The following MGAT4C variants were observed in gnomAD, a reference collection of about 807,000 sequenced individuals.
The protein encoded by MGAT4C is alpha-1,3-mannosyl-glycoprotein 4-beta-N-acetylglucosaminyltransferase C.
Under a neutral mutation model 40.1 loss-of-function variants are expected in MGAT4C, and 19 were observed. That is an observed-to-expected ratio of 0.47 (90% CI 0.33 to 0.70). The LOEUF is 0.70. Ranked by LOEUF, MGAT4C falls within the 30% of genes least tolerant of loss-of-function variation. MGAT4C has a pLI of 0.02. For synonymous variants in MGAT4C, 181 were observed against 187.1 expected (o/e 0.97, Z 0.27); for missense variants, 491 against 563.2 (o/e 0.87, Z 1.30).
chr12:86,585,324 TTA>T (rs1048161084), intron 2 of MGAT4C, among the ~76,000 whole-genome samples: 201 of 151,464 alleles, frequency 1.3e-3, no homozygotes, highest in African/African-American at 4.6e-3. Context: ...CCTTTCAGAG[TTA>T]ATGTAACAGT....
chr12:86,555,642 G>A (rs902727594), intron 2 of MGAT4C, among the ~76,000 whole-genome samples: 6 of 152,090 alleles, frequency 3.9e-5, no homozygotes, highest in African/African-American at 1.4e-4. Flanking sequence ...ATTGTATCTT[G>A]AGTTAAAAGA....
At chr12:86,781,977 A>G (rs776172884) in intron 1 of MGAT4C, among the ~76,000 whole-genome samples, 1 of 151,858 alleles carries the variant, frequency 6.6e-6, no homozygotes, top group Non-Finnish European at 1.5e-5. Flanking sequence ...ATTAAAGTTT[A>G]TTCATAGACT....
At position 86,764,984 on chromosome 12, in the gene MGAT4C, T is replaced by C. The variant is rs555127819; in HGVS notation, c.-261-37743A>G. The stretch of plus-strand genomic sequence containing the variant: ...CTCTCCTACTCCAAAGGAACGCAGT[T>C]CCTCACCAGCAATGGAACAAAGCTG... On this transcript the variant is annotated intron_variant, in intron 1 of 7. Transcript: ENST00000548651. Among the ~76,000 whole-genome samples the C allele has an allele frequency of 6.4e-4, 98 of 152,246 alleles. 1 individual carries two copies. The highest frequency in any genetic ancestry group is 1.3e-4 in the Non-Finnish European group (9 of 68,016).
Position 86,838,801 on chromosome 12 carries a change from A to T in MGAT4C, c.-397T>A, listed in dbSNP as rs888528803. ...AGTTCTCCAGAAGAAAATCAGCACA[A>T]TTTAAATATTTCTTGGAATGTGACA... On this transcript the variant is annotated 5_prime_UTR_variant, in exon 1 of 8. Transcript: ENST00000548651. The T allele has an allele frequency of 9.2e-5, 14 of 152,338 alleles. No homozygotes were observed. The East Asian group carries it at 2.5e-3, about 27-fold the overall frequency. The allele number at this position is 152,338 out of a possible 1,614,324, so 9.4% of individuals were successfully genotyped here.
intron 2 of MGAT4C, among the ~76,000 whole-genome samples, chr12:86,678,879 G>T (rs556344954): frequency 6.6e-6 from 1 of 152,066 alleles, no homozygotes; most frequent in African/African-American, 2.4e-5. Flanking sequence ...TAATAGTGCT[G>T]CAGTAAACAT....
At chr12:86,447,331 G>A (rs770617525) in intron 2 of MGAT4C, among the ~76,000 whole-genome samples, 86 of 152,206 alleles carry the variant, frequency 5.7e-4, no homozygotes, top group Middle Eastern at 3.4e-3. Context: ...CTCCATGCTG[G>A]TTAGGCTGGT....
At chr12:86,777,580 A>G (rs1446207985) in intron 1 of MGAT4C, among the ~76,000 whole-genome samples, 1 of 152,196 alleles carries the variant, frequency 6.6e-6, no homozygotes, top group Non-Finnish European at 1.5e-5. Context: ...AAATGTACCA[A>G]GTAGTCTTTG....
At chr12:86,705,080 C>T (rs984472175) in intron 2 of MGAT4C, among the ~76,000 whole-genome samples, 1 of 152,064 alleles carries the variant, frequency 6.6e-6, no homozygotes. Context: ...TTGTTCAGGG[C>T]AAGTAAGCAT....
chr12:85,965,272 C>G lies in MGAT4C; in HGVS notation c.*14017G>C, dbSNP rs1397462560. The G allele has an allele frequency of 4.6e-5, 7 of 151,902 alleles. No individual in the cohort carries two copies. The highest frequency in any genetic ancestry group is 1.0e-4 in the Non-Finnish European group (7 of 67,984). The allele number at this position is 151,902 out of a possible 1,614,324, so 9.4% of individuals were successfully genotyped here. ...GCTTGTAAGATTTGTTTTTTGTTCT[C>G]TTACTATTATGAAAATCACGAACTT... On this transcript the variant is annotated 3_prime_UTR_variant, in exon 5 of 5. Transcript: ENST00000611864.
At chr12:86,449,110 C>T (rs578106571) in intron 2 of MGAT4C, among the ~76,000 whole-genome samples, 5 of 151,678 alleles carry the variant, frequency 3.3e-5, no homozygotes, top group African/African-American at 9.7e-5. Flanking sequence ...TAATTTCTAT[C>T]ATTGGGGGCT....
At position 86,040,128 on chromosome 12, in the gene MGAT4C, C is replaced by T. The variant is rs1344064915; in HGVS notation, c.-7+9546G>A. ...GTCCCAGAGGGGCACCTGCCAGATG[C>T]CAGCCCATTACAGAGCTCTCCTGTA... On this transcript the variant is annotated intron_variant, in intron 2 of 4. Coordinates refer to ENST00000611864, the MANE Select transcript of MGAT4C (RefSeq NM_001351288.2). 3.3e-5 allele frequency among the ~76,000 whole-genome samples: 5 copies of T among 152,188 alleles called. No homozygotes were observed. The South Asian group carries it at 6.2e-4, about 19-fold the overall frequency.
intron 4 of MGAT4C, among the ~76,000 whole-genome samples, chr12:86,324,428 C>A (rs1398056566): frequency 1.3e-5 from 2 of 151,676 alleles, no homozygotes; most frequent in African/African-American, 4.8e-5. Context: ...ATATATTCTA[C>A]ATTAATTTTA....
chr12:86,684,028 ATTTC>A (rs1025892912), intron 2 of MGAT4C, among the ~76,000 whole-genome samples: 1 of 151,852 alleles, frequency 6.6e-6, no homozygotes, highest in African/African-American at 2.4e-5. Flanking sequence ...CAATTTCCTA[ATTTC>A]TTTCTATCTA....
intron 1 of MGAT4C, among the ~76,000 whole-genome samples, chr12:86,165,831 G>A (rs839118): frequency 0.76 from 115,768 of 152,052 alleles, 44,509 homozygotes; most frequent in African/African-American, 0.86. Context: ...TTAATAAAAC[G>A]GGTAGCTTCA....
At chr12:86,320,077 T>C (rs974028225) in intron 4 of MGAT4C, among the ~76,000 whole-genome samples, 1 of 152,110 alleles carries the variant, frequency 6.6e-6, no homozygotes. Context: ...TGGGAGCCTC[T>C]GACCCAGCCC....
At chr12:86,400,646 A>G (rs1456418465) in intron 3 of MGAT4C, among the ~76,000 whole-genome samples, 6 of 152,196 alleles carry the variant, frequency 3.9e-5, no homozygotes, top group Admixed American at 3.9e-4. Flanking sequence ...AGAAAGTAAC[A>G]TCATGTTTAA....
At chr12:86,407,000 G>A (rs148214213) in intron 3 of MGAT4C, among the ~76,000 whole-genome samples, 140 of 152,174 alleles carry the variant, frequency 9.2e-4, no homozygotes, top group African/African-American at 2.6e-3. Context: ...GTAGTAGGTT[G>A]TCACCTATAC....
chr12:86,768,255 T>C (rs371869067), intron 1 of MGAT4C, among the ~76,000 whole-genome samples: 8 of 152,036 alleles, frequency 5.3e-5, no homozygotes, highest in African/African-American at 1.7e-4. Context: ...CATGAGTGAA[T>C]TCCCATTCAC....
At chr12:86,788,928 T>G (rs1951978799) in intron 1 of MGAT4C, among the ~76,000 whole-genome samples, 1 of 152,132 alleles carries the variant, frequency 6.6e-6, no homozygotes, top group African/African-American at 2.4e-5. Flanking sequence ...CAATTTACAT[T>G]GAGAAATCAA....
Sources: allele counts gnomAD v4.1 joint callset (sites outside exome capture counted in the v4.1 genomes callset), GRCh38; gene constraint gnomAD v4.1.1; transcripts MANE v1.5; gene names NCBI Gene and HGNC (gene_info 2026-07-23, HGNC 2026-07-21).